Variants in HS2ST1 observed in about 807,000 individuals in gnomAD.
HS2ST1 encodes the protein 2-O-sulfotransferase.
A neutral mutation model predicts 42.9 loss-of-function variants in HS2ST1; 18 were observed. The ratio of observed to expected loss-of-function variants is 0.42; its 90% confidence interval spans 0.29 to 0.62. HS2ST1 has a LOEUF of 0.62. HS2ST1 is among the 20% of genes least tolerant of loss of function. The pLI, the probability that HS2ST1 is intolerant of heterozygous loss-of-function variation, is 0.21. For synonymous variants in HS2ST1, 146 were observed against 152.9 expected (o/e 0.95, Z 0.33); for missense variants, 334 against 433.8 (o/e 0.77, Z 2.04).
At chr1:87,100,370 G>T (rs1050960825) in intron 5 of HS2ST1, among the ~76,000 whole-genome samples, 1 of 152,154 alleles carries the variant, frequency 6.6e-6, no homozygotes, top group Non-Finnish European at 1.5e-5. Context: ...GCTGGAACTG[G>T]AGTGGCCGGG....
At chr1:86,939,639 T>G (rs1660723800) in intron 1 of HS2ST1, among the ~76,000 whole-genome samples, 1 of 152,224 alleles carries the variant, frequency 6.6e-6, no homozygotes, top group Non-Finnish European at 1.5e-5. Flanking sequence ...ATTGATTGCC[T>G]TAGGGTGTGG....
intron 1 of HS2ST1, among the ~76,000 whole-genome samples, chr1:86,919,189 C>A (rs2102151129): frequency 6.6e-6 from 1 of 152,114 alleles, no homozygotes; most frequent in East Asian, 1.9e-4. Flanking sequence ...AAGTGATCTG[C>A]CCCCCTCTGC....
chr1:87,012,691 T>C (rs915073668), intron 1 of HS2ST1, among the ~76,000 whole-genome samples: 1 of 152,170 alleles, frequency 6.6e-6, no homozygotes, highest in Non-Finnish European at 1.5e-5. Context: ...CTCAGAAGTC[T>C]ACAGTTCAAT....
chr1:86,974,999 G>C (rs1557500592), intron 1 of HS2ST1, among the ~76,000 whole-genome samples: 2 of 152,136 alleles, frequency 1.3e-5, no homozygotes, highest in Non-Finnish European at 2.9e-5. Context: ...TTTGAGTACA[G>C]AATTTTATTC....
intron 1 of HS2ST1, among the ~76,000 whole-genome samples, chr1:86,939,619 T>G (rs1660723089): frequency 6.6e-6 from 1 of 152,192 alleles, no homozygotes; most frequent in Non-Finnish European, 1.5e-5. Context: ...GTCCCACCCT[T>G]GGAAGATTGA....
intron 1 of HS2ST1, among the ~76,000 whole-genome samples, chr1:86,983,909 G>A (rs1648675107): frequency 6.6e-6 from 1 of 151,930 alleles, no homozygotes; most frequent in Non-Finnish European, 1.5e-5. Context: ...GCGCGGTGGC[G>A]GGCGCCTCTA....
At position 86,915,184 on chromosome 1, in the gene HS2ST1, C is replaced by T. The variant is rs752374867; in HGVS notation, c.124+24C>T. On this transcript the variant is annotated intron_variant, in intron 1 of 6. Transcript: ENST00000370550. Reference sequence around the variant, plus strand: ...AGGTGAGGAACTGAACTGCCCCGGGCTGAGTGCTGTGGAAGGGGCCGAGGA... The same window carrying T: ...AGGTGAGGAACTGAACTGCCCCGGGTTGAGTGCTGTGGAAGGGGCCGAGGA... 22 of 1,604,642 alleles carry T rather than the reference C, an allele frequency of 1.4e-5. No homozygotes were observed. In the South Asian group the frequency reaches 2.1e-4, roughly 15 times the overall value.
At chr1:86,931,011 T>C (rs912243432) in intron 1 of HS2ST1, among the ~76,000 whole-genome samples, 3 of 152,022 alleles carry the variant, frequency 2.0e-5, no homozygotes, top group Non-Finnish European at 4.4e-5. Context: ...AAAAGAATGT[T>C]CTTTGAAATG....
intron 4 of HS2ST1, among the ~76,000 whole-genome samples, chr1:87,096,160 G>T (rs562936090): frequency 1.3e-5 from 2 of 152,176 alleles, no homozygotes; most frequent in South Asian, 4.1e-4. Flanking sequence ...TCAAAAAATT[G>T]CGGCTATTCT....
intron 1 of HS2ST1, among the ~76,000 whole-genome samples, chr1:87,056,951 G>T (rs78932698): frequency 0.011 from 1,694 of 152,204 alleles, 14 homozygotes; most frequent in South Asian, 0.019. Flanking sequence ...ATTTGAAAAG[G>T]CTACTAAAGT....
intron 1 of HS2ST1, among the ~76,000 whole-genome samples, chr1:86,923,754 A>G (rs1660353527): frequency 6.6e-6 from 1 of 152,214 alleles, no homozygotes; most frequent in Non-Finnish European, 1.5e-5. Context: ...TCATGGGAAC[A>G]GCATGGGAAA....
chr1:86,914,846 C>G lies in HS2ST1; in HGVS notation c.-191C>G. ...TCGGCTGAGGAGAAGCGGACACCAGCGGCGTTGGTGATAGCGCCTGGGGGA... is the reference window on the plus strand; with the variant it reads ...TCGGCTGAGGAGAAGCGGACACCAGGGGCGTTGGTGATAGCGCCTGGGGGA... On this transcript the variant is annotated 5_prime_UTR_variant, in exon 1 of 7. Transcript: ENST00000370550. The G allele has an allele frequency of 1.6e-6, 1 of 617,770 alleles. No homozygotes were observed. Among genetic ancestry groups the G allele is most frequent in the Non-Finnish European group, 2.7e-6 (1 of 363,942 alleles). The allele number at this position is 617,770 out of a possible 1,614,324, so 38.3% of individuals were successfully genotyped here. A position where few individuals can be genotyped will look rare whatever the true frequency, so the allele number is the denominator to read the frequency against.
chr1:87,100,309 T>C (rs1342265383), intron 5 of HS2ST1, among the ~76,000 whole-genome samples: 1 of 152,218 alleles, frequency 6.6e-6, no homozygotes, highest in Non-Finnish European at 1.5e-5. Context: ...TTACAGTTTA[T>C]GCTCCCCCAG....
At chr1:86,963,657 G>A (rs867927336) in intron 1 of HS2ST1, among the ~76,000 whole-genome samples, 3 of 143,058 alleles carry the variant, frequency 2.1e-5, no homozygotes, top group African/African-American at 7.6e-5. Flanking sequence ...CCCGTTCTCA[G>A]TGAGCTGTTG....
At position 87,108,281 on chromosome 1, in the gene HS2ST1, G is replaced by C. The variant is rs1175963609; in HGVS notation, c.*3585G>C. On this transcript the variant is annotated 3_prime_UTR_variant, in exon 7 of 7. Transcript: ENST00000370550. Reference sequence around the variant, plus strand: ...ATTCAAATCTACATAGAGAACATCTGTGTAAATCATCTAACTGGATTTTTC... The same window carrying C: ...ATTCAAATCTACATAGAGAACATCTCTGTAAATCATCTAACTGGATTTTTC... 6.6e-6 allele frequency: 1 copy of C among 152,032 alleles called. No homozygotes were observed. The highest frequency in any genetic ancestry group is 1.5e-5 in the Non-Finnish European group (1 of 67,958). 9.4% of individuals were successfully genotyped at this position (152,032 alleles called of 1,614,324 possible).
In HS2ST1 at chr1:86,990,182, A is replaced by C. The variant is rs1051532409; in HGVS notation, c.124+75022A>C. Among the ~76,000 whole-genome samples, 11 of 152,172 alleles carry C rather than the reference A, an allele frequency of 7.2e-5. 1 individual carries two copies. Among genetic ancestry groups the C allele is most frequent in the Admixed American group, 1.3e-4 (2 of 15,280 alleles). On this transcript the variant is annotated intron_variant, in intron 1 of 6. Coordinates refer to ENST00000370550, the MANE Select transcript of HS2ST1 (RefSeq NM_012262.4). ...TGGTTGAACTAATTTACACTCCCAT[A>C]AACAGTGTAAAAGCATTCGGAGAAC... is the stretch of plus-strand genomic sequence containing the variant.
At chr1:87,097,083 A>C (rs1185338367) in intron 4 of HS2ST1, among the ~76,000 whole-genome samples, 1 of 152,162 alleles carries the variant, frequency 6.6e-6, no homozygotes, top group Non-Finnish European at 1.5e-5. Context: ...TGCCTTTAAT[A>C]CCCATGTAAA....
chr1:87,083,804 T>G (rs564040860), intron 2 of HS2ST1, among the ~76,000 whole-genome samples: 3 of 152,214 alleles, frequency 2.0e-5, no homozygotes, highest in East Asian at 1.9e-4. Flanking sequence ...ACAGCAAGCC[T>G]CTGAGAAGAA....
chr1:87,011,595 A>G (rs1013174200), intron 1 of HS2ST1, among the ~76,000 whole-genome samples: 1 of 152,032 alleles, frequency 6.6e-6, no homozygotes, highest in Non-Finnish European at 1.5e-5. Flanking sequence ...AAATGGGTTC[A>G]CTTTTCTTTT....
Sources: gnomAD v4.1 joint callset for allele counts (sites outside exome capture counted in the v4.1 genomes callset) on GRCh38, gnomAD v4.1.1 for gene constraint, MANE v1.5 for transcripts, NCBI Gene and HGNC (gene_info 2026-07-23, HGNC 2026-07-21) for gene names.